Variants in CRYBG3 observed in about 807,000 individuals in gnomAD.
The protein encoded by CRYBG3 is crystallin beta-gamma domain containing 3, also known as very large A-kinase anchor protein.
A neutral mutation model predicts 244.2 loss-of-function variants in CRYBG3; 127 were observed. The observed-to-expected ratio is 0.52, with a 90% CI of 0.45 to 0.60. The LOEUF (loss-of-function observed/expected upper bound fraction) is 0.60. Among genes scored for constraint, CRYBG3 ranks in the 20% least tolerant of loss-of-function variants. The pLI is 0.00. For missense variants in CRYBG3, 3,325 were observed against 3,442.5 expected (o/e 0.97, Z 0.85); for synonymous variants, 1,132 against 1,195.8 (o/e 0.95, Z 1.10).
At chr3:97,885,387 T>C (rs1576543908) in intron 7 of CRYBG3, among the ~76,000 whole-genome samples, 1 of 152,116 alleles carries the variant, frequency 6.6e-6, no homozygotes, top group East Asian at 1.9e-4. Flanking sequence ...TATTATTACA[T>C]TTACCTATTA....
chr3:97,934,363 G>A (rs2040135920), intron 18 of CRYBG3, among the ~76,000 whole-genome samples: 1 of 152,068 alleles, frequency 6.6e-6, no homozygotes, highest in Non-Finnish European at 1.5e-5. Flanking sequence ...GACAGAAATG[G>A]TGAGAAGCCT....
chr3:97,868,996 G>A (rs892335996), intron 3 of CRYBG3, among the ~76,000 whole-genome samples: 1 of 150,584 alleles, frequency 6.6e-6, no homozygotes, highest in African/African-American at 2.5e-5. Context: ...GGTATGAAAT[G>A]TTAAAACTTT....
intron 7 of CRYBG3, among the ~76,000 whole-genome samples, chr3:97,886,333 T>C (rs2039506454): frequency 6.6e-6 from 1 of 152,180 alleles, no homozygotes; most frequent in Non-Finnish European, 1.5e-5. Flanking sequence ...CTCTGAAATC[T>C]GAACTCAATT....
intron 10 of CRYBG3, among the ~76,000 whole-genome samples, chr3:97,892,383 C>T (rs577884890): frequency 6.6e-6 from 1 of 152,126 alleles, no homozygotes; most frequent in African/African-American, 2.4e-5. Context: ...GATGGTCTGC[C>T]GATTCTTGCT....
At chr3:97,897,877 A>G (rs1435095963) in intron 12 of CRYBG3, among the ~76,000 whole-genome samples, 1 of 152,150 alleles carries the variant, frequency 6.6e-6, no homozygotes, top group Non-Finnish European at 1.5e-5. Context: ...TCTTGTTTCC[A>G]TGAGCAATAT....
At chr3:97,843,914 T>A (rs890823747) in intron 2 of CRYBG3, among the ~76,000 whole-genome samples, 1 of 152,142 alleles carries the variant, frequency 6.6e-6, no homozygotes, top group Admixed American at 6.6e-5. Flanking sequence ...TTGGTAGCTA[T>A]CCCACAATCA....
chr3:97,839,995 G>A (rs1391207943), intron 1 of CRYBG3, among the ~76,000 whole-genome samples: 3 of 152,180 alleles, frequency 2.0e-5, no homozygotes, highest in South Asian at 2.1e-4. Flanking sequence ...TTATATTCTC[G>A]TTGGGAAGAT....
chr3:97,874,930 A>G lies in CRYBG3; in HGVS notation c.3736A>G (p.Lys1246Glu). 6.5e-7 allele frequency: 1 copy of G among 1,535,790 alleles called. No individual in the cohort carries two copies. Among genetic ancestry groups the G allele is most frequent in the Non-Finnish European group, 8.7e-7 (1 of 1,146,764 alleles). ...LGTLKEDISE[K>E]NPSEVTLTEI... is the part of the protein sequence containing the mutation. ...TACCCTGAAAGAAGACATCTCTGAG[A>G]AAAACCCATCAGAAGTGACACTAAC... is the stretch of plus-strand genomic sequence containing the variant. Residue 1246 changes from lysine (K) to glutamate (E), a missense_variant, in exon 4 of 22, where the codon AAA becomes GAA. Physicochemically the swap from Lys to Glu is moderately conservative, Grantham distance 56. This residue lies in a region of CRYBG3 where 1,526 missense variants were observed against 1,443.2 expected (regional missense o/e 1.06). Transcript: ENST00000389622.
In CRYBG3 at chr3:97,877,021, G is replaced by GGCT. The variant is rs1379879370; in HGVS notation, c.5828_5830dup (p.Gly1943_Tyr1944insCys). 1 of 1,568,038 alleles carries GGCT rather than the reference G, an allele frequency of 6.4e-7. No individual in the cohort carries two copies. The highest frequency in any genetic ancestry group is 8.6e-7 in the Non-Finnish European group (1 of 1,158,738). ...CCCTACATTAAGTAAGGATTATGAG[G>GGCT]GCTACCCAGCCCCAGCAATGCCAGA... On this transcript the variant is annotated inframe_insertion, in exon 4 of 22. Transcript: ENST00000389622.
At chr3:97,886,996 C>T (rs1576544811) in intron 8 of CRYBG3, among the ~76,000 whole-genome samples, 1 of 152,276 alleles carries the variant, frequency 6.6e-6, no homozygotes, top group East Asian at 1.9e-4. Context: ...GATCTATTGT[C>T]TTTTCATCCA....
At chr3:97,921,431 T>C (rs530325614) in intron 17 of CRYBG3, among the ~76,000 whole-genome samples, 2 of 151,574 alleles carry the variant, frequency 1.3e-5, no homozygotes, top group Admixed American at 6.6e-5. Flanking sequence ...GAGTCCATTA[T>C]GTAATAAGCT....
chr3:97,861,781 C>G (rs959597867), intron 2 of CRYBG3, among the ~76,000 whole-genome samples: 3 of 152,042 alleles, frequency 2.0e-5, no homozygotes, highest in African/African-American at 7.3e-5. Context: ...GTAGGCTGAA[C>G]TTGTCCAGGT....
chr3:97,920,369 A>T lies in CRYBG3; in HGVS notation c.8241+4633A>T, dbSNP rs141501900. 5.9e-5 allele frequency among the ~76,000 whole-genome samples: 9 copies of T among 152,246 alleles called. 1 individual carries two copies. The highest frequency in any genetic ancestry group is 2.2e-4 in the African/African-American group (9 of 41,548). ...CAGCTCTTACCTCCATCAGTGTAGA[A>T]GATTTGCAGATATCTAGAGTAAGCA... On this transcript the variant is annotated intron_variant, in intron 17 of 21. Coordinates refer to ENST00000389622, the MANE Select transcript of CRYBG3 (RefSeq NM_153605.4).
In CRYBG3 at chr3:97,822,077, C is replaced by T. The variant is rs2038507115; in HGVS notation, c.-130C>T. The T allele has an allele frequency of 4.2e-6, 3 of 721,588 alleles. No homozygotes were observed. Among genetic ancestry groups the T allele is most frequent in the Non-Finnish European group, 5.9e-6 (3 of 507,926 alleles). The allele number at this position is 721,588 out of a possible 1,614,324, so 44.7% of individuals were successfully genotyped here. On this transcript the variant is annotated 5_prime_UTR_variant, in exon 1 of 22. Coordinates refer to ENST00000389622, the MANE Select transcript of CRYBG3 (RefSeq NM_153605.4). ...CTTCTCCTGCCCGAGAGAGACTGAG[C>T]CGCGCTGGCAGCTCGCGTCGAGTCG...
rs563600125 is a variant in CRYBG3, at chr3:97,822,063, C to G, written c.-144C>G. 16 of 616,702 alleles carry G rather than the reference C, an allele frequency of 2.6e-5. No individual in the cohort carries two copies. Among genetic ancestry groups the G allele is most frequent in the Admixed American group, 4.3e-5 (1 of 23,230 alleles). The allele number at this position is 616,702 out of a possible 1,614,324, so 38.2% of individuals were successfully genotyped here. On this transcript the variant is annotated 5_prime_UTR_variant, in exon 1 of 22. Coordinates refer to ENST00000389622, the MANE Select transcript of CRYBG3 (RefSeq NM_153605.4). ...GCGTCGCGTCCGCACTTCTCCTGCC[C>G]GAGAGAGACTGAGCCGCGCTGGCAG...
intron 1 of CRYBG3, among the ~76,000 whole-genome samples, chr3:97,831,771 C>T (rs555086192): frequency 6.6e-6 from 1 of 152,154 alleles, no homozygotes; most frequent in East Asian, 1.9e-4. Context: ...GTTCCCGACA[C>T]AAAGAAACGA....
intron 4 of CRYBG3, among the ~76,000 whole-genome samples, chr3:97,878,365 G>A (rs1021276569): frequency 3.3e-5 from 5 of 152,206 alleles, no homozygotes; most frequent in Non-Finnish European, 7.3e-5. Context: ...AGCCAAGATC[G>A]CACCAGTGCA....
chr3:97,941,077 T>A lies in CRYBG3; in HGVS notation c.8506-71T>A, dbSNP rs1052911444. 6.0e-6 allele frequency: 8 copies of A among 1,331,418 alleles called. No homozygotes were observed. In the South Asian group the frequency reaches 1.1e-4, roughly 18 times the overall value. The allele number at this position is 1,331,418 out of a possible 1,614,324, so 82.5% of individuals were successfully genotyped here. ...GTTACCTCTCACTTTCCCTCCCAGCTTTCCTCCTCTGGAAGGATTCATTTC... is the reference window on the plus strand; with the variant it reads ...GTTACCTCTCACTTTCCCTCCCAGCATTCCTCCTCTGGAAGGATTCATTTC... On this transcript the variant is annotated intron_variant, in intron 19 of 21. Transcript: ENST00000389622.
intron 1 of CRYBG3, among the ~76,000 whole-genome samples, chr3:97,834,719 A>T (rs960933501): frequency 6.6e-6 from 1 of 152,134 alleles, no homozygotes; most frequent in Non-Finnish European, 1.5e-5. Flanking sequence ...CAAATAAAAA[A>T]TTTTTGGCAA....
Sources: allele counts gnomAD v4.1 joint callset (sites outside exome capture counted in the v4.1 genomes callset), GRCh38; gene constraint gnomAD v4.1.1; regional missense constraint gnomAD v4.1.1; transcripts MANE v1.5; gene names NCBI Gene and HGNC (gene_info 2026-07-23, HGNC 2026-07-21).